The following FAM32A variants were observed in gnomAD, a reference collection of about 807,000 sequenced individuals.
FAM32A encodes the protein family with sequence similarity 32 member A, also known as protein FAM32A.
A neutral mutation model predicts 15.8 loss-of-function variants in FAM32A; 9 were observed. That is an observed-to-expected ratio of 0.57 (90% CI 0.34 to 1.00). The LOEUF (loss-of-function observed/expected upper bound fraction) is 1.00. Ranked by LOEUF, FAM32A falls within the 50% of genes least tolerant of loss-of-function variation. The pLI is 0.02. For synonymous variants in FAM32A, 64 were observed against 54.9 expected (o/e 1.16, Z -0.73); for missense variants, 113 against 138.3 (o/e 0.82, Z 0.92).
chr19:16,186,790 C>T (rs573047616), intron 2 of FAM32A: 1 of 152,360 alleles, frequency 6.6e-6, no homozygotes, highest in Non-Finnish European at 1.5e-5. Context: ...TAAACTCCCA[C>T]CCCGAAGCAC....
intron 2 of FAM32A, 91 bp downstream of exon 2, chr19:16,185,856 G>T: frequency 7.1e-7 from 1 of 1,412,214 alleles, no homozygotes; most frequent in Non-Finnish European, 9.5e-7. Flanking sequence ...TCCGAGGGCA[G>T]GGGAGCGGTC....
Position 16,185,777 on chromosome 19 carries a change from C to T in FAM32A, c.216+12C>T, listed in dbSNP as rs1386575274. 8 of 1,545,976 alleles carry T rather than the reference C, an allele frequency of 5.2e-6. No individual in the cohort carries two copies. In the African/African-American group the frequency reaches 9.7e-5, roughly 19 times the overall value. ...TGCAGGAGAAGCGGGTGAGCAGAAGCAGAAGGCGGCGGGGAGGCGGGAACA... is the reference window on the plus strand; with the variant it reads ...TGCAGGAGAAGCGGGTGAGCAGAAGTAGAAGGCGGCGGGGAGGCGGGAACA... On this transcript the variant is annotated intron_variant, in intron 2 of 3. Coordinates refer to ENST00000263384, the MANE Select transcript of FAM32A (RefSeq NM_014077.4).
At chr19:16,187,773 C>T (rs1236366746) in intron 2 of FAM32A, among the ~76,000 whole-genome samples, 1 of 141,880 alleles carries the variant, frequency 7.0e-6, no homozygotes, top group Non-Finnish European at 1.5e-5. Flanking sequence ...TTTGAAAAAG[C>T]CTCGCTCTGT....
rs142108512 is a variant in FAM32A, at chr19:16,191,495, A to T, written c.*540A>T. ...AGACTTCCTCCTCAGCCACCTGGCC[A>T]CTGAGACAGCATAGCCTGGGTAACG... is the stretch of plus-strand genomic sequence containing the variant. On this transcript the variant is annotated 3_prime_UTR_variant, in exon 4 of 4. Transcript: ENST00000263384. The T allele has an allele frequency of 1.3e-3, 205 of 156,620 alleles. 2 individuals are homozygous for T. Among genetic ancestry groups the T allele is most frequent in the African/African-American group, 4.4e-3 (182 of 41,620 alleles). The allele number at this position is 156,620 out of a possible 1,614,324, so 9.7% of individuals were successfully genotyped here.
Position 16,185,801 on chromosome 19 carries a change from C to G in FAM32A, c.216+36C>G, listed in dbSNP as rs1201926347. 4 of 1,540,782 alleles carry G rather than the reference C, an allele frequency of 2.6e-6. No homozygotes were observed. The South Asian group carries it at 4.8e-5, about 18-fold the overall frequency. On this transcript the variant is annotated intron_variant, in intron 2 of 3. Transcript: ENST00000263384. ...GCAGAAGGCGGCGGGGAGGCGGGAACACCCGGCGCCGGGAGACTGGAAATT... is the reference window on the plus strand; with the variant it reads ...GCAGAAGGCGGCGGGGAGGCGGGAAGACCCGGCGCCGGGAGACTGGAAATT...
chr19:16,185,568 C>T lies in FAM32A; in HGVS notation c.74+52C>T, dbSNP rs371204708. On this transcript the variant is annotated intron_variant, in intron 1 of 3. Coordinates refer to ENST00000263384, the MANE Select transcript of FAM32A (RefSeq NM_014077.4). ...CGTCTTCATCCCCCTTAGACCTTTT[C>T]TCGGGACCCCTGGCCCTGATCCTCC... 6.0e-5 allele frequency: 95 copies of T among 1,582,916 alleles called. No homozygotes were observed. The East Asian group carries it at 1.2e-3, about 19-fold the overall frequency.
chr19:16,190,410 C>T, intron 2 of FAM32A, 110 bp from the exon 3 acceptor site: 1 of 722,566 alleles, frequency 1.4e-6, no homozygotes. Flanking sequence ...CTGAAACCTC[C>T]AGCTGTTCTA....
At chr19:16,186,136 TATTCTAAG>T (rs1469816535) in intron 2 of FAM32A, 1 of 243,602 alleles carries the variant, frequency 4.1e-6, no homozygotes, top group Non-Finnish European at 8.0e-6. Flanking sequence ...GGTAGTAACT[TATTCTAAG>T]AGGGTTGGGA....
At chr19:16,186,994 T>C (rs1186456697) in intron 2 of FAM32A, among the ~76,000 whole-genome samples, 4 of 152,196 alleles carry the variant, frequency 2.6e-5, no homozygotes, top group Non-Finnish European at 5.9e-5. Flanking sequence ...GTCTAGGTGA[T>C]TCTGTACGGT....
At chr19:16,190,454 C>A in intron 2 of FAM32A, 66 bp from the exon 3 acceptor site, 1 of 1,168,334 alleles carries the variant, frequency 8.6e-7, no homozygotes, top group South Asian at 1.3e-5. Flanking sequence ...GCTCCATCTT[C>A]CACCCCATGC....
chr19:16,190,558 C>T lies in FAM32A; in HGVS notation c.255C>T (p.His85=), dbSNP rs145584418. 275 of 1,613,286 alleles carry T rather than the reference C, an allele frequency of 1.7e-4. No individual in the cohort carries two copies. The highest frequency in any genetic ancestry group is 2.2e-4 in the Non-Finnish European group (263 of 1,179,554). ...TCCTAAAGAAGGCATCCAAAACCCA[C>T]AAGCAGAGAGTGGAGGTGAGTCGCC... The part of the protein sequence containing the change: ...ERILKKASKT[H]KQRVEDFNRH... Residue 85 remains histidine (H), a synonymous_variant, in exon 3 of 4, where the codon CAC becomes CAT. Transcript: ENST00000263384.
chr19:16,189,818 G>A (rs2091399250), intron 2 of FAM32A, among the ~76,000 whole-genome samples: 1 of 151,634 alleles, frequency 6.6e-6, no homozygotes, highest in Admixed American at 6.6e-5. Context: ...TGGGACCACA[G>A]GTGTGCACCA....
At chr19:16,185,989 C>A (rs548203915) in intron 2 of FAM32A, among the ~76,000 whole-genome samples, 1 of 152,256 alleles carries the variant, frequency 6.6e-6, no homozygotes, top group East Asian at 1.9e-4. Context: ...GAGGGGAGAG[C>A]TAGAACTGGC....
At position 16,188,519 on chromosome 19, in the gene FAM32A, T is replaced by C. The variant is rs61103282; in HGVS notation, c.217-2001T>C. Among the ~76,000 whole-genome samples the C allele has an allele frequency of 1.1e-4, 16 of 152,236 alleles. No homozygotes were observed. In the East Asian group the frequency reaches 2.9e-3, roughly 28 times the overall value. On this transcript the variant is annotated intron_variant, in intron 2 of 3. Coordinates refer to ENST00000263384, the MANE Select transcript of FAM32A (RefSeq NM_014077.4). ...TAATCCCAACATTTTGGGAGGCCGATGTGGGAAGATCAGTTGAGCCCAGGA... is the reference window on the plus strand; with the variant it reads ...TAATCCCAACATTTTGGGAGGCCGACGTGGGAAGATCAGTTGAGCCCAGGA...
At chr19:16,185,562 C>T (rs755736858) in intron 1 of FAM32A, 46 bp downstream of exon 1, 17 of 1,579,744 alleles carry the variant, frequency 1.1e-5, no homozygotes, top group Non-Finnish European at 1.5e-5. Flanking sequence ...CCCCCTTAGA[C>T]CTTTTCTCGG....
rs1237321682 is a variant in FAM32A, at chr19:16,190,815, G to A, written c.271-72G>A. The A allele has an allele frequency of 2.4e-6, 3 of 1,257,290 alleles. No individual in the cohort carries two copies. The East Asian group carries it at 6.9e-5, about 29-fold the overall frequency. 77.9% of individuals were successfully genotyped at this position (1,257,290 alleles called of 1,614,324 possible). ...GATAGGATGTGGGAGAGGTGGGGCT[G>A]GGCAGTGCCACTTCTCCCCAGTACC... On this transcript the variant is annotated intron_variant, in intron 3 of 3. Coordinates refer to ENST00000263384, the MANE Select transcript of FAM32A (RefSeq NM_014077.4).
Position 16,185,655 on chromosome 19 carries a change from A to G in FAM32A, c.106A>G (p.Lys36Glu), listed in dbSNP as rs1207259002. ...GAAAAAGAAGGACAAAGACAAAGCGAAACTCCTGGAAGCAATGGGAACGAG... is the reference window on the plus strand; with the variant it reads ...GAAAAAGAAGGACAAAGACAAAGCGGAACTCCTGGAAGCAATGGGAACGAG... ...KKKKKDKDKA[K>E]LLEAMGTSKK... The change falls in exon 2 of 4, where the codon AAA becomes GAA. Residue 36 changes from lysine (K) to glutamate (E), a missense_variant. By Grantham distance (56) the Lys-to-Glu change is moderately conservative. Around this residue, in one of 2 missense-constraint regions of FAM32A, gnomAD observed 112 missense variants for 118.6 expected, o/e 0.94. Coordinates refer to ENST00000263384, the MANE Select transcript of FAM32A (RefSeq NM_014077.4). The G allele has an allele frequency of 5.0e-6, 8 of 1,593,620 alleles. No homozygotes were observed. The South Asian group carries it at 8.0e-5, about 16-fold the overall frequency.
intron 2 of FAM32A, among the ~76,000 whole-genome samples, chr19:16,189,668 CTTTTTTTTTT>C (rs71178652): frequency 2.2e-4 from 13 of 58,584 alleles, no homozygotes; most frequent in East Asian, 6.8e-4. Flanking sequence ...CACTCCAACT[CTTTTTTTTTT>C]TTTTTTTTTT....
intron 2 of FAM32A, among the ~76,000 whole-genome samples, chr19:16,189,686 T>TTTTTTTTTTTTTTTTTG (rs2091398583): frequency 7.3e-6 from 1 of 137,798 alleles, no homozygotes; most frequent in African/African-American, 2.7e-5. Flanking sequence ...TTTTTTTTTT[T>TTTTTTTTTTTTTTTTTG]TTTTTTTTGA....
Sources: gnomAD v4.1 joint callset for allele counts (sites outside exome capture counted in the v4.1 genomes callset) on GRCh38, gnomAD v4.1.1 for gene constraint, gnomAD v4.1.1 regional missense constraint, MANE v1.5 for transcripts, NCBI Gene and HGNC (gene_info 2026-07-23, HGNC 2026-07-21) for gene names.